Variants in LATS1 observed in about 807,000 individuals in gnomAD.
LATS1 encodes the protein large tumor suppressor kinase 1.
Under a neutral mutation model 106.6 loss-of-function variants are expected in LATS1, and 25 were observed. The ratio of observed to expected loss-of-function variants is 0.23; its 90% confidence interval spans 0.17 to 0.33. The LOEUF (loss-of-function observed/expected upper bound fraction) is 0.33. Ranked by LOEUF, LATS1 falls within the 10% of genes least tolerant of loss-of-function variation. The pLI is 1.00. For missense variants in LATS1, 1,040 were observed against 1,382.6 expected, an observed-to-expected ratio of 0.75 and a Z score of 3.93; for synonymous variants, 465 against 455.6, an observed-to-expected ratio of 1.02 and a Z score of -0.26.
At chr6:149,673,801 T>C (rs1220064378) in intron 7 of LATS1, among the ~76,000 whole-genome samples, 1 of 150,714 alleles carries the variant, frequency 6.6e-6, no homozygotes, top group East Asian at 2.0e-4. Flanking sequence ...AGGGCCTCCA[T>C]ATAGCTGGGA....
chr6:149,682,713 C>T (rs1782121497), intron 4 of LATS1, among the ~76,000 whole-genome samples: 2 of 151,990 alleles, frequency 1.3e-5, no homozygotes, highest in South Asian at 4.1e-4. Context: ...CATGCCCCAG[C>T]CTGAGACCCA....
rs762387686 is a variant in LATS1 at position 149,684,544 on chromosome 6, T to G, written c.545A>C (p.Lys182Thr). Residue 182 changes from lysine (K) to threonine (T), a missense_variant, in exon 4 of 8, where the codon AAA (lysine) becomes ACA (threonine). Transcript: ENST00000543571. ...VNRKQSWKGS[K>T]ESLVPQRHGP... ...ATGCCTCTGAGGAACTAAGGATTCTTTAGAACCTTTCCAGCTCTGTTTGCG... is the reference window on the plus strand; with the variant it reads ...ATGCCTCTGAGGAACTAAGGATTCTGTAGAACCTTTCCAGCTCTGTTTGCG... 3 of 1,612,542 alleles carry G rather than the reference T, an allele frequency of 1.9e-6. No individual in the cohort carries two copies. The African/African-American group carries it at 4.0e-5, about 22-fold the overall frequency.
At chr6:149,664,191 T>C (rs940232221) in intron 7 of LATS1, among the ~76,000 whole-genome samples, 2 of 148,054 alleles carry the variant, frequency 1.4e-5, no homozygotes, top group South Asian at 2.1e-4. Flanking sequence ...CAGCAAAAGA[T>C]TCAGATAATT....
At chr6:149,703,604 C>T (rs1397212825) in intron 1 of LATS1, among the ~76,000 whole-genome samples, 1 of 151,988 alleles carries the variant, frequency 6.6e-6, no homozygotes, top group Non-Finnish European at 1.5e-5. Context: ...GTGGCTCAGG[C>T]CTATAATCAC....
At chr6:149,663,312 A>G (rs764094467) in intron 7 of LATS1, among the ~76,000 whole-genome samples, 14 of 152,130 alleles carry the variant, frequency 9.2e-5, no homozygotes, top group East Asian at 7.7e-4. Flanking sequence ...GTGAAACCCC[A>G]TATCTACAAA....
chr6:149,712,547 C>G (rs548995260), intron 1 of LATS1, among the ~76,000 whole-genome samples: 144 of 152,014 alleles, frequency 9.5e-4, no homozygotes, highest in African/African-American at 3.4e-3. Flanking sequence ...ATGAGGGTCT[C>G]GCTATGTTGA....
chr6:149,692,761 G>A (rs545227299), intron 3 of LATS1, among the ~76,000 whole-genome samples: 10 of 150,464 alleles, frequency 6.6e-5, no homozygotes, highest in South Asian at 6.3e-4. Flanking sequence ...CGAAACCTCC[G>A]CCTCCTGGGT....
intron 2 of LATS1, among the ~76,000 whole-genome samples, chr6:149,696,796 G>C (rs1312476030): frequency 6.6e-6 from 1 of 152,108 alleles, no homozygotes; most frequent in Non-Finnish European, 1.5e-5. Flanking sequence ...AAAAACAGAG[G>C]ATTTGGAATC....
Position 149,680,251 on chromosome 6 carries a change from T to C in LATS1, c.2217A>G (p.Lys739=), listed in dbSNP as rs1781960211. The C allele has an allele frequency of 3.1e-6, 5 of 1,613,968 alleles. No homozygotes were observed. The highest frequency in any genetic ancestry group is 1.3e-5 in the African/African-American group (1 of 74,938). The change falls in exon 5 of 8, where the codon AAA becomes AAG. Residue 739 remains lysine (K), a synonymous_variant. Coordinates refer to ENST00000543571, the MANE Select transcript of LATS1 (RefSeq NM_004690.4). The stretch of plus-strand genomic sequence containing the variant: ...CGACTTGATTTCGAAGAAGAACATC[T>C]TTCTTTCGAAGAGTTTTTGTTGCAT... The part of the protein sequence containing the change: ...ALYATKTLRK[K]DVLLRNQVAH...
chr6:149,707,711 A>G (rs1446128348), intron 1 of LATS1, among the ~76,000 whole-genome samples: 1 of 152,218 alleles, frequency 6.6e-6, no homozygotes, highest in Non-Finnish European at 1.5e-5. Context: ...CTACATGTTG[A>G]AAATACTTGT....
intron 1 of LATS1, among the ~76,000 whole-genome samples, chr6:149,706,668 T>C (rs1783790867): frequency 6.6e-6 from 1 of 152,232 alleles, no homozygotes; most frequent in South Asian, 2.1e-4. Context: ...AAGTGTCCTT[T>C]TGAGAGGCAG....
rs910112672 is a variant in LATS1 at position 149,686,257 on chromosome 6, C to A, written c.497-1665G>T. On this transcript the variant is annotated intron_variant, in intron 3 of 7. Coordinates refer to ENST00000543571, the MANE Select transcript of LATS1 (RefSeq NM_004690.4). Reference sequence around the variant, plus strand: ...CTACATTCTCGAAGCAGGAGCCAGACGAAAAGCAAGTGAGTAAATAATGTT... The same window carrying A: ...CTACATTCTCGAAGCAGGAGCCAGAAGAAAAGCAAGTGAGTAAATAATGTT... Among the ~76,000 whole-genome samples the A allele has an allele frequency of 2.0e-5, 3 of 152,036 alleles. No homozygotes were observed. The South Asian group carries it at 6.2e-4, about 32-fold the overall frequency.
chr6:149,695,302 C>T, intron 2 of LATS1, 81 bp from the exon 3 acceptor site: 1 of 822,308 alleles, frequency 1.2e-6, no homozygotes, highest in East Asian at 2.7e-5. Context: ...CTATGAGTTC[C>T]ACTAGAGAAA....
intron 1 of LATS1, among the ~76,000 whole-genome samples, chr6:149,710,251 C>T (rs1416439756): frequency 6.6e-6 from 1 of 152,154 alleles, no homozygotes; most frequent in Non-Finnish European, 1.5e-5. Flanking sequence ...TGTCATGGGG[C>T]AATAGCCATT....
rs758039363 is a variant in LATS1 at position 149,683,080 on chromosome 6, C to T, written c.2009G>A (p.Arg670Gln). 9.3e-6 allele frequency: 15 copies of T among 1,608,330 alleles called. No individual in the cohort carries two copies. The Middle Eastern group carries it at 9.5e-4, about 102-fold the overall frequency. ...RKKQLENEMM[R>Q]VGLSQDAQDQ... The stretch of plus-strand genomic sequence containing the variant: ...AATGGACATTTTAAAAGGTTTTACC[C>T]GCATCATTTCATTCTCTAATTGTTT... Residue 670 changes from arginine (R) to glutamine (Q), a missense_variant and splice_region_variant, in exon 4 of 8, where the codon CGG (arginine) becomes CAG (glutamine). By Grantham distance (43) the Arg-to-Gln change is conservative. Coordinates refer to ENST00000543571, the MANE Select transcript of LATS1 (RefSeq NM_004690.4).
chr6:149,696,751 G>T (rs1033317958), intron 2 of LATS1, among the ~76,000 whole-genome samples: 2 of 151,944 alleles, frequency 1.3e-5, no homozygotes, highest in Non-Finnish European at 2.9e-5. Context: ...ATGATTATGT[G>T]ATAAAGACTT....
Position 149,683,985 on chromosome 6 carries a change from C to T in LATS1, c.1104G>A (p.Val368=). The T allele has an allele frequency of 6.2e-7, 1 of 1,614,014 alleles. No homozygotes were observed. Among genetic ancestry groups the T allele is most frequent in the Non-Finnish European group, 8.5e-7 (1 of 1,180,002 alleles). ...IHQNVVPAGT[V]NRQPPPPYPL... ...GATATGGAGGTGGTGGCTGCCGATT[C>T]ACAGTGCCAGCAGGGACAACATTTT... is the stretch of plus-strand genomic sequence containing the variant. The change falls in exon 4 of 8, where the codon GTG becomes GTA. Residue 368 remains valine, a synonymous_variant. Transcript: ENST00000543571.
In LATS1 at chr6:149,683,830, T is replaced by C. The variant is rs1425472341; in HGVS notation, c.1259A>G (p.Glu420Gly). ...MVPNRNSHNM[E>G]LYNISVPGLQ... ...TCCAGGTACACTAATGTTATATAGT[T>C]CCATGTTATGACTATTTCTGTTTGG... Residue 420 changes from glutamate (E) to glycine (G), a missense_variant, in exon 4 of 8, where the codon GAA becomes GGA. Physicochemically the swap from Glu to Gly is moderately conservative, Grantham distance 98. This residue lies in a region of LATS1 where 624 missense variants were observed against 714.8 expected (regional missense o/e 0.87). Transcript: ENST00000543571. 6.2e-7 allele frequency: 1 copy of C among 1,613,958 alleles called. No homozygotes were observed. Among genetic ancestry groups the C allele is most frequent in the Non-Finnish European group, 8.5e-7 (1 of 1,180,044 alleles).
rs769278356 is a variant in LATS1, at chr6:149,680,043, T to G, written c.2425A>C (p.Ile809Leu). The change falls in exon 5 of 8, where the codon ATA becomes CTA. Residue 809 changes from isoleucine to leucine, a missense_variant. Around this residue, in one of 7 missense-constraint regions of LATS1, gnomAD observed 167 missense variants for 332.1 expected, o/e 0.50. Coordinates refer to ENST00000543571, the MANE Select transcript of LATS1 (RefSeq NM_004690.4). Reference sequence around the variant, plus strand: ...TCAACTGCACAGGTAAGTTCTGCTATGTAGAATCGTGCCAGACTTTCTGGA... The same window carrying G: ...TCAACTGCACAGGTAAGTTCTGCTAGGTAGAATCGTGCCAGACTTTCTGGA... ...IFPESLARFY[I>L]AELTCAVESV... The G allele has an allele frequency of 1.3e-5, 21 of 1,614,070 alleles. No homozygotes were observed. Among genetic ancestry groups the G allele is most frequent in the Non-Finnish European group, 1.7e-5 (20 of 1,179,986 alleles).
Sources: gnomAD v4.1 joint callset for allele counts (sites outside exome capture counted in the v4.1 genomes callset) on GRCh38, gnomAD v4.1.1 for gene constraint, gnomAD v4.1.1 regional missense constraint, MANE v1.5 for transcripts, NCBI Gene and HGNC (gene_info 2026-07-23, HGNC 2026-07-21) for gene names.